GAS7: variants seen among roughly 807,000 people sequenced by gnomAD.
GAS7 encodes the protein growth arrest-specific protein 7.
GAS7 carries 28 observed loss-of-function variants against 71.1 expected under a neutral mutation model. The ratio of observed to expected loss-of-function variants is 0.39; its 90% CI spans 0.29 to 0.54. The LOEUF is 0.54. GAS7 is among the 20% of genes least tolerant of loss of function. The probability of loss-of-function intolerance (pLI) is 0.62; values close to 1 mark genes in which losing one functional copy is unlikely to be tolerated. For synonymous variants in GAS7, 258 were observed against 245.8 expected, an observed-to-expected ratio of 1.05 and a Z score of -0.46; for missense variants, 436 against 627.8, an observed-to-expected ratio of 0.69 and a Z score of 3.27.
chr17:10,100,532 A>G (rs931899413), intron 1 of GAS7, among the ~76,000 whole-genome samples: 1 of 152,066 alleles, frequency 6.6e-6, no homozygotes, highest in African/African-American at 2.4e-5. Flanking sequence ...CATCACTACC[A>G]TATCTTACCA....
intron 1 of GAS7, among the ~76,000 whole-genome samples, chr17:10,060,697 G>A (rs746121948): frequency 5.9e-5 from 9 of 152,146 alleles, no homozygotes; most frequent in Admixed American, 4.6e-4. Flanking sequence ...ACCAAGTGCC[G>A]ACAAGGATGC....
chr17:10,004,337 T>C (rs537166614), intron 2 of GAS7, among the ~76,000 whole-genome samples: 1 of 152,304 alleles, frequency 6.6e-6, no homozygotes, highest in South Asian at 2.1e-4. Context: ...CACTCACTTA[T>C]TAGAATATAA....
Position 9,916,260 on chromosome 17 carries a change from G to T in GAS7, c.*968C>A. On this transcript the variant is annotated 3_prime_UTR_variant, in exon 14 of 14. Transcript: ENST00000432992. The stretch of plus-strand genomic sequence containing the variant: ...GACCCGGCCCCATTAAGAGCCTGTG[G>T]TGGGCGGCCCGGGAGAGTGGGGGCC... The T allele has an allele frequency of 4.3e-6, 1 of 233,310 alleles. No individual in the cohort carries two copies. Among genetic ancestry groups the T allele is most frequent in the African/African-American group, 2.2e-5 (1 of 45,480 alleles). The allele number at this position is 233,310 out of a possible 1,614,324, so 14.5% of individuals were successfully genotyped here.
At chr17:10,122,396 T>A (rs1037257523) in intron 1 of GAS7, among the ~76,000 whole-genome samples, 11 of 152,172 alleles carry the variant, frequency 7.2e-5, no homozygotes, top group Non-Finnish European at 1.6e-4. Context: ...CTAGGCACTT[T>A]CCCAGTCAGT....
Position 9,959,130 on chromosome 17 carries a change from G to A in GAS7, c.525+72C>T, listed in dbSNP as rs963919987. On this transcript the variant is annotated intron_variant, in intron 5 of 13. Coordinates refer to ENST00000432992, the MANE Select transcript of GAS7 (RefSeq NM_201433.2). This position sits in a 1 kb window ranked among gnomAD's most constrained non-coding sequence, Gnocchi z 5.0. ...TCACTTCTGCTTGGCGGTCCACATC[G>A]CCATGGCAACAGCCCAGCCAAATGC... is the stretch of plus-strand genomic sequence containing the variant. The A allele has an allele frequency of 1.4e-5, 21 of 1,530,618 alleles. No individual in the cohort carries two copies. The highest frequency in any genetic ancestry group is 2.7e-5 in the African/African-American group (2 of 73,102). The allele number at this position is 1,530,618 out of a possible 1,614,324, so 94.8% of individuals were successfully genotyped here. A position where few individuals can be genotyped will look rare whatever the true frequency, so the allele number is the denominator to read the frequency against.
chr17:9,921,951 T>C (rs1178226042), intron 11 of GAS7, among the ~76,000 whole-genome samples: 40 of 111,840 alleles, frequency 3.6e-4, no homozygotes, highest in African/African-American at 1.6e-3. Context: ...AGAGCAAGAC[T>C]CCATCTCAAA....
intron 1 of GAS7, among the ~76,000 whole-genome samples, chr17:10,182,578 A>G (rs2074424594): frequency 6.6e-6 from 1 of 152,190 alleles, no homozygotes; most frequent in Non-Finnish European, 1.5e-5. Context: ...TTTGGGGTTC[A>G]CCCTGTGACA....
intron 1 of GAS7, among the ~76,000 whole-genome samples, chr17:10,177,242 G>A (rs2074379840): frequency 6.6e-6 from 1 of 152,174 alleles, no homozygotes; most frequent in African/African-American, 2.4e-5. Flanking sequence ...CCCTCGACAG[G>A]GATGAGAAGG....
At chr17:10,143,729 A>G (rs2074101187) in intron 1 of GAS7, among the ~76,000 whole-genome samples, 1 of 152,186 alleles carries the variant, frequency 6.6e-6, no homozygotes, top group South Asian at 2.1e-4. Flanking sequence ...GCGACCTCAG[A>G]AGAAACTAAC....
intron 1 of GAS7, among the ~76,000 whole-genome samples, chr17:10,072,132 G>A (rs1414685691): frequency 6.6e-6 from 1 of 152,002 alleles, no homozygotes; most frequent in Admixed American, 6.5e-5. Flanking sequence ...GCCCTAGGAA[G>A]CCCCTGTCCC....
chr17:10,021,684 G>A (rs4791382), intron 1 of GAS7, among the ~76,000 whole-genome samples: 2 of 151,938 alleles, frequency 1.3e-5, no homozygotes, highest in Non-Finnish European at 2.9e-5. Flanking sequence ...CACCAGGGTC[G>A]CAGGTTGCTG....
chr17:9,959,840 C>T lies in GAS7; in HGVS notation c.472-585G>A, dbSNP rs2069409197. ...CAGCTTCCACTCAGTCTTTATATTGCCTTTTGATGTCTTCCACCGCCAGTA... is the reference window on the plus strand; with the variant it reads ...CAGCTTCCACTCAGTCTTTATATTGTCTTTTGATGTCTTCCACCGCCAGTA... On this transcript the variant is annotated intron_variant, in intron 4 of 13. Coordinates refer to ENST00000432992, the MANE Select transcript of GAS7 (RefSeq NM_201433.2). This position sits in a 1 kb window ranked among gnomAD's most constrained non-coding sequence, Gnocchi z 5.0. Among the ~76,000 whole-genome samples, 1 of 151,174 alleles carries T rather than the reference C, an allele frequency of 6.6e-6. No individual in the cohort carries two copies. The highest frequency in any genetic ancestry group is 2.1e-4 in the South Asian group (1 of 4,818).
At chr17:9,986,809 A>C (rs989196692) in intron 2 of GAS7, among the ~76,000 whole-genome samples, 2 of 152,142 alleles carry the variant, frequency 1.3e-5, no homozygotes, top group African/African-American at 4.8e-5. Flanking sequence ...AGCCCAGTCC[A>C]TCTCCTTGTC....
chr17:10,007,128 CAAATAA>C (rs772662726), intron 2 of GAS7, among the ~76,000 whole-genome samples: 2 of 152,146 alleles, frequency 1.3e-5, no homozygotes, highest in Non-Finnish European at 2.9e-5. Context: ...AGTGTCCTTG[CAAATAA>C]AAATAGGTGG....
At chr17:10,116,835 C>A (rs1375275799) in intron 1 of GAS7, among the ~76,000 whole-genome samples, 1 of 151,904 alleles carries the variant, frequency 6.6e-6, no homozygotes, top group African/African-American at 2.4e-5. Context: ...CAACCCACAA[C>A]AAGCCAGACA....
At chr17:9,988,339 C>T (rs1273365055) in intron 2 of GAS7, among the ~76,000 whole-genome samples, 8 of 152,220 alleles carry the variant, frequency 5.3e-5, no homozygotes, top group Admixed American at 4.6e-4. Context: ...TGGCTTGCCC[C>T]CAGGCTATGC....
At position 9,927,290 on chromosome 17, in the gene GAS7, TACACACACACAC is replaced by T. The variant is rs371084335; in HGVS notation, c.886-533_886-522del. Among the ~76,000 whole-genome samples the T allele has an allele frequency of 1.9e-3, 217 of 116,936 alleles. 1 individual carries two copies. Among genetic ancestry groups the T allele is most frequent in the Middle Eastern group, 8.1e-3 (2 of 246 alleles). 76.7% of individuals were successfully genotyped at this position (116,936 alleles called of 152,430 possible). On this transcript the variant is annotated intron_variant, in intron 9 of 13. Coordinates refer to ENST00000432992, the MANE Select transcript of GAS7 (RefSeq NM_201433.2). The stretch of plus-strand genomic sequence containing the variant: ...ATGGTGAAACCCCATCTCTACTACA[TACACACACACAC>T]ACACACACACACACACACACACACA...
chr17:9,920,671 G>C (rs922656495), intron 11 of GAS7, among the ~76,000 whole-genome samples: 1 of 152,192 alleles, frequency 6.6e-6, no homozygotes, highest in Non-Finnish European at 1.5e-5. Context: ...GTGTGTGCAC[G>C]TGGCAGGCAG....
At chr17:10,070,467 G>C (rs1265235136) in intron 1 of GAS7, among the ~76,000 whole-genome samples, 3 of 150,702 alleles carry the variant, frequency 2.0e-5, no homozygotes, top group African/African-American at 7.3e-5. Flanking sequence ...AGGTTCAAGC[G>C]ATTCTCCTGC....
Sources: allele counts gnomAD v4.1 joint callset (sites outside exome capture counted in the v4.1 genomes callset), GRCh38; gene constraint gnomAD v4.1.1; non-coding constraint Gnocchi (gnomAD v3.1); transcripts MANE v1.5; gene names NCBI Gene and HGNC (gene_info 2026-07-23, HGNC 2026-07-21).